RAD9B: variants seen among roughly 807,000 people sequenced by gnomAD.
RAD9B encodes the protein RAD9 checkpoint clamp component B, also known as cell cycle checkpoint control protein RAD9B.
In RAD9B, 41 loss-of-function variants were observed where a neutral mutation model predicts 48.3. That is an observed-to-expected ratio of 0.85 (90% CI 0.66 to 1.10). The LOEUF (loss-of-function observed/expected upper bound fraction) is 1.10. Among genes scored for constraint, RAD9B ranks in the 50% least tolerant of loss-of-function variants. The pLI is 0.00. For synonymous variants in RAD9B, 160 were observed against 157.9 expected (o/e 1.01, Z -0.10); for missense variants, 444 against 485.1 (o/e 0.92, Z 0.80).
At position 110,532,416 on chromosome 12, in the gene RAD9B, T is replaced by C. The variant is rs1263937504; in HGVS notation, c.*1763T>C. Among the ~76,000 whole-genome samples the C allele has an allele frequency of 1.3e-5, 2 of 152,214 alleles. No individual in the cohort carries two copies. The highest frequency in any genetic ancestry group is 4.8e-5 in the African/African-American group (2 of 41,446). On this transcript the variant is annotated 3_prime_UTR_variant, in exon 11 of 11. Coordinates refer to ENST00000409300, the MANE Select transcript of RAD9B (RefSeq NM_001286535.2). The stretch of plus-strand genomic sequence containing the variant: ...ATGCAGCATTGGACTATTATTATAG[T>C]TAATACTGGCGGGGTGTAGTGGCTC...
In RAD9B at chr12:110,531,847, A is replaced by G. The variant is rs2064148819; in HGVS notation, c.*1194A>G. 5 of 512,380 alleles carry G rather than the reference A, an allele frequency of 9.8e-6. No individual in the cohort carries two copies. 31.7% of individuals were successfully genotyped at this position (512,380 alleles called of 1,614,324 possible). ...AGTCAATTATAACCTGACAAACGAG[A>G]CTTTTGTAACATATTATTGTTACAT... is the stretch of plus-strand genomic sequence containing the variant. On this transcript the variant is annotated 3_prime_UTR_variant, in exon 11 of 11. Coordinates refer to ENST00000409300, the MANE Select transcript of RAD9B (RefSeq NM_001286535.2).
rs1403591737 is a variant in RAD9B at position 110,530,582 on chromosome 12, C to G, written c.1183C>G (p.Pro395Ala). 3.1e-6 allele frequency: 5 copies of G among 1,613,850 alleles called. No individual in the cohort carries two copies. The South Asian group carries it at 4.4e-5, about 14-fold the overall frequency. The change falls in exon 11 of 11, where the codon CCT becomes GCT. Residue 395 changes from proline (P) to alanine (A), a missense_variant. Coordinates refer to ENST00000409300, the MANE Select transcript of RAD9B (RefSeq NM_001286535.2). ...SSDQQEHFNH[P>A]FDSLARASDS... ...TGACCAGCAAGAACACTTCAACCAC[C>G]CTTTCGACAGTCTGGCAAGAGCAAG...
chr12:110,528,078 A>G (rs1388976230), intron 10 of RAD9B, among the ~76,000 whole-genome samples: 1 of 152,206 alleles, frequency 6.6e-6, no homozygotes, highest in Non-Finnish European at 1.5e-5. Flanking sequence ...CAAGCGGCCA[A>G]AGTACCTGGG....
intron 1 of RAD9B, chr12:110,503,567 A>G (rs2063164330): frequency 2.1e-6 from 1 of 485,578 alleles, no homozygotes; most frequent in Admixed American, 3.8e-5. Flanking sequence ...GTAAACATAT[A>G]GAAGGACAAA....
chr12:110,512,920 G>A (rs764232505), intron 5 of RAD9B, 42 bp downstream of exon 5: 8 of 954,972 alleles, frequency 8.4e-6, no homozygotes, highest in Non-Finnish European at 1.3e-5. Context: ...CCTGAATACA[G>A]TATGATCATG....
chr12:110,505,491 G>A (rs894237014), intron 2 of RAD9B, 126 bp from the exon 3 acceptor site: 1 of 660,956 alleles, frequency 1.5e-6, no homozygotes, highest in Middle Eastern at 3.1e-4. Context: ...CTGTTGGCCA[G>A]GCTGGTCTCA....
chr12:110,512,983 T>TTA lies in RAD9B; in HGVS notation c.488+109_488+110dup, dbSNP rs1349929485. 5 of 612,988 alleles carry TTA rather than the reference T, an allele frequency of 8.2e-6. No homozygotes were observed. In the East Asian group the frequency reaches 1.3e-4, roughly 16 times the overall value. The allele number at this position is 612,988 out of a possible 1,614,324, so 38.0% of individuals were successfully genotyped here. ...TTCAGTCGGCACATTTTTTTTTTTT[T>TTA]TATATGGAGTCTCGCTGTGTCGCCC... On this transcript the variant is annotated intron_variant, in intron 5 of 10. Transcript: ENST00000409300.
At chr12:110,504,194 C>T (rs1198299755) in intron 2 of RAD9B, among the ~76,000 whole-genome samples, 2 of 149,984 alleles carry the variant, frequency 1.3e-5, no homozygotes, top group Non-Finnish European at 3.0e-5. Context: ...TGAGGCCGGG[C>T]GCGATGGCTC....
Position 110,503,793 on chromosome 12 carries a change from T to A in RAD9B, c.47-13T>A. 1 of 1,596,840 alleles carries A rather than the reference T, an allele frequency of 6.3e-7. No individual in the cohort carries two copies. The highest frequency in any genetic ancestry group is 8.6e-7 in the Non-Finnish European group (1 of 1,167,560). The stretch of plus-strand genomic sequence containing the variant: ...GGAAAGAATATAAGCATCACCTTTC[T>A]TTTTCTCCATAGTATTTGGGAAAGC... On this transcript the variant is annotated splice_polypyrimidine_tract_variant and intron_variant, in intron 1 of 10. Coordinates refer to ENST00000409300, the MANE Select transcript of RAD9B (RefSeq NM_001286535.2).
At chr12:110,505,562 C>A in intron 2 of RAD9B, 55 bp from the exon 3 acceptor site, 1 of 1,446,368 alleles carries the variant, frequency 6.9e-7, no homozygotes, top group Non-Finnish European at 9.2e-7. Flanking sequence ...ATTACAGGTT[C>A]ATGGGAGCCA....
intron 10 of RAD9B, among the ~76,000 whole-genome samples, chr12:110,529,944 C>T (rs763209047): frequency 2.4e-4 from 37 of 152,136 alleles, no homozygotes; most frequent in Non-Finnish European, 1.5e-5. Context: ...CCTCTCAGTT[C>T]TGGTGGAAGC....
Position 110,522,351 on chromosome 12 carries a change from A to C in RAD9B, c.1065A>C (p.Glu355Asp), listed in dbSNP as rs1477137359. 1.2e-6 allele frequency: 2 copies of C among 1,613,572 alleles called. No individual in the cohort carries two copies. Among genetic ancestry groups the C allele is most frequent in the Non-Finnish European group, 1.7e-6 (2 of 1,179,764 alleles). ...AAAGAGTGGATGGAGATGTCAGTGA[A>C]GTATCAGAAAGCAGTGTCAGCAACA... ...AMKRVDGDVS[E>D]VSESSVSNTE... is the part of the protein sequence containing the mutation. Residue 355 changes from glutamate to aspartate, a missense_variant, in exon 10 of 11, where the codon GAA becomes GAC. Physicochemically the swap from Glu to Asp is conservative, Grantham distance 45 (BLOSUM62 2). Transcript: ENST00000409300.
chr12:110,506,539 C>A (rs778542873), intron 3 of RAD9B, 40 bp from the exon 4 acceptor site: 65 of 986,150 alleles, frequency 6.6e-5, no homozygotes, highest in Non-Finnish European at 9.3e-5. Context: ...ATGAATCAAC[C>A]ATGTTAAGTA....
In RAD9B at chr12:110,531,064, G is replaced by A; in HGVS notation, c.*411G>A. 1 of 999,362 alleles carries A rather than the reference G, an allele frequency of 1.0e-6. No homozygotes were observed. The highest frequency in any genetic ancestry group is 1.2e-6 in the Non-Finnish European group (1 of 839,386). 61.9% of individuals were successfully genotyped at this position (999,362 alleles called of 1,614,324 possible). A position where few individuals can be genotyped will look rare whatever the true frequency, so the allele number is the denominator to read the frequency against. The stretch of plus-strand genomic sequence containing the variant: ...TTGTAGTCAGGTATCTTTTGTATTT[G>A]ATTGCAAACATTTGGATTTTAGTTT... On this transcript the variant is annotated 3_prime_UTR_variant, in exon 11 of 11. Coordinates refer to ENST00000409300, the MANE Select transcript of RAD9B (RefSeq NM_001286535.2).
chr12:110,506,510 A>C, intron 3 of RAD9B, 69 bp from the exon 4 acceptor site: 2 of 836,344 alleles, frequency 2.4e-6, no homozygotes, highest in Non-Finnish European at 4.1e-6. Flanking sequence ...TTATGAATGC[A>C]TATACTTTTG....
intron 10 of RAD9B, among the ~76,000 whole-genome samples, chr12:110,527,258 T>C (rs1230655731): frequency 6.6e-6 from 1 of 152,228 alleles, no homozygotes; most frequent in African/African-American, 2.4e-5. Flanking sequence ...TTAAGTCTTC[T>C]GTCTCCCTCT....
At chr12:110,508,401 TG>T (rs1284000241) in intron 4 of RAD9B, among the ~76,000 whole-genome samples, 2 of 152,196 alleles carry the variant, frequency 1.3e-5, no homozygotes, top group Non-Finnish European at 2.9e-5. Flanking sequence ...AGTGAATACT[TG>T]GTATTCAGTA....
At position 110,531,443 on chromosome 12, in the gene RAD9B, C is replaced by T. The variant is rs780221063; in HGVS notation, c.*790C>T. On this transcript the variant is annotated 3_prime_UTR_variant, in exon 11 of 11. Transcript: ENST00000409300. ...CTGGCCTCAAGTGATCTGCCCACCT[C>T]GGCCTCCCAAAGTGCTGGGATTACA... is the stretch of plus-strand genomic sequence containing the variant. The T allele has an allele frequency of 5.1e-5, 33 of 647,242 alleles. No individual in the cohort carries two copies. The highest frequency in any genetic ancestry group is 7.9e-5 in the Non-Finnish European group (30 of 378,798). 40.1% of individuals were successfully genotyped at this position (647,242 alleles called of 1,614,324 possible).
At chr12:110,504,473 C>T (rs537568081) in intron 2 of RAD9B, among the ~76,000 whole-genome samples, 27 of 140,568 alleles carry the variant, frequency 1.9e-4, no homozygotes, top group African/African-American at 5.8e-4. Context: ...AGTGAGACTC[C>T]GTCCCAAAAA....
Sources: gnomAD v4.1 joint callset for allele counts (sites outside exome capture counted in the v4.1 genomes callset) on GRCh38, gnomAD v4.1.1 for gene constraint, MANE v1.5 for transcripts, NCBI Gene and HGNC (gene_info 2026-07-23, HGNC 2026-07-21) for gene names.